LHFPL3: variants seen among roughly 807,000 people sequenced by gnomAD.
LHFPL3 encodes LHFPL tetraspan subfamily member 3.
In LHFPL3, 5 loss-of-function variants were observed where a neutral mutation model predicts 19.3. The ratio of observed to expected loss-of-function variants is 0.26; its 90% CI spans 0.14 to 0.54. The LOEUF (loss-of-function observed/expected upper bound fraction) is 0.54, where lower values mean the gene tolerates loss of function less well. Ranked by LOEUF, LHFPL3 falls within the 20% of genes least tolerant of loss-of-function variation. The pLI, the probability that LHFPL3 is intolerant of heterozygous loss-of-function variation, is 0.94. For missense variants in LHFPL3, 249 were observed against 307.4 expected (o/e 0.81, Z 1.42); for synonymous variants, 133 against 126.2 (o/e 1.05, Z -0.36).
At chr7:104,754,698 T>C (rs937619397) in intron 2 of LHFPL3, among the ~76,000 whole-genome samples, 14 of 152,284 alleles carry the variant, frequency 9.2e-5, no homozygotes, top group African/African-American at 3.4e-4. Context: ...TGCAGATCAA[T>C]AGTGGGAACA....
At chr7:104,823,614 A>C (rs1790720269) in intron 2 of LHFPL3, among the ~76,000 whole-genome samples, 1 of 152,206 alleles carries the variant, frequency 6.6e-6, no homozygotes, top group Admixed American at 6.5e-5. Flanking sequence ...CATAAAGATC[A>C]CTATAGATTT....
chr7:104,353,139 T>G (rs1280392848), intron 1 of LHFPL3, among the ~76,000 whole-genome samples: 1 of 152,184 alleles, frequency 6.6e-6, no homozygotes, highest in African/African-American at 2.4e-5. Flanking sequence ...AACCAGACAT[T>G]TTATTCATTT....
At chr7:104,460,128 G>C (rs1430986150) in intron 1 of LHFPL3, among the ~76,000 whole-genome samples, 1 of 152,106 alleles carries the variant, frequency 6.6e-6, no homozygotes, top group African/African-American at 2.4e-5. Flanking sequence ...TCATTAGTTT[G>C]CTAAGGATAA....
intron 2 of LHFPL3, among the ~76,000 whole-genome samples, chr7:104,742,874 G>C (rs1230621504): frequency 6.6e-6 from 1 of 151,974 alleles, no homozygotes; most frequent in Non-Finnish European, 1.5e-5. Context: ...AGTCAAAGGG[G>C]ATGGGAGGCC....
intron 1 of LHFPL3, among the ~76,000 whole-genome samples, chr7:104,664,654 A>G (rs1262833027): frequency 6.6e-6 from 1 of 152,206 alleles, no homozygotes; most frequent in Non-Finnish European, 1.5e-5. Context: ...TTGCATTCCA[A>G]TAAAACTTTA....
intron 2 of LHFPL3, among the ~76,000 whole-genome samples, chr7:104,877,838 ATT>A (rs36063537): frequency 2.8e-4 from 41 of 147,872 alleles, no homozygotes; most frequent in South Asian, 4.3e-4. Context: ...TTATAGCAGC[ATT>A]TTTTTTTTTT....
At chr7:104,366,378 C>G (rs1162860152) in intron 1 of LHFPL3, among the ~76,000 whole-genome samples, 1 of 152,156 alleles carries the variant, frequency 6.6e-6, no homozygotes, top group Non-Finnish European at 1.5e-5. Context: ...GTATCCCAGA[C>G]CTTAGCATGT....
At chr7:104,702,063 T>G (rs1793114141) in intron 1 of LHFPL3, among the ~76,000 whole-genome samples, 1 of 152,058 alleles carries the variant, frequency 6.6e-6, no homozygotes, top group Non-Finnish European at 1.5e-5. Context: ...TGTGTGATGT[T>G]CCCCTCCCTG....
At chr7:104,542,179 G>A (rs911931164) in intron 1 of LHFPL3, among the ~76,000 whole-genome samples, 6 of 152,050 alleles carry the variant, frequency 3.9e-5, no homozygotes, top group African/African-American at 1.2e-4. Context: ...AAAACGAGGC[G>A]TGGCTTGGGT....
At chr7:104,650,756 G>A (rs1161993621) in intron 1 of LHFPL3, among the ~76,000 whole-genome samples, 1 of 152,188 alleles carries the variant, frequency 6.6e-6, no homozygotes, top group Non-Finnish European at 1.5e-5. Flanking sequence ...GAAGAATGCT[G>A]TCCTAGGCAC....
At chr7:104,521,899 G>A (rs959065940) in intron 1 of LHFPL3, among the ~76,000 whole-genome samples, 94 of 152,224 alleles carry the variant, frequency 6.2e-4, no homozygotes, top group African/African-American at 2.0e-3. Flanking sequence ...AGGTGCTGGA[G>A]AGGATGTGGA....
At chr7:104,560,575 T>C (rs1464921818) in intron 1 of LHFPL3, among the ~76,000 whole-genome samples, 1 of 151,782 alleles carries the variant, frequency 6.6e-6, no homozygotes, top group Non-Finnish European at 1.5e-5. Flanking sequence ...CTCTCTTTTT[T>C]TCTTTATTAG....
At chr7:104,331,245 G>A (rs977227140) in intron 1 of LHFPL3, among the ~76,000 whole-genome samples, 2 of 152,310 alleles carry the variant, frequency 1.3e-5, no homozygotes, top group Non-Finnish European at 2.9e-5. Flanking sequence ...GAAATATAAT[G>A]TTGTTCTCAG....
At chr7:104,805,672 A>G (rs1790347101) in intron 2 of LHFPL3, among the ~76,000 whole-genome samples, 3 of 152,252 alleles carry the variant, frequency 2.0e-5, no homozygotes, top group Admixed American at 6.5e-5. Flanking sequence ...CCACCAAAGC[A>G]CAAAGCCTTT....
rs1213493176 is a variant in LHFPL3, at chr7:104,906,167, CTT to C, written c.683-19_683-18del. ...CTCTCCCCCCACCCTTTTTCTCTCT[CTT>C]CCCTCCAATTTCTGCAGTTCTGCTA... On this transcript the variant is annotated intron_variant, in intron 2 of 2. Coordinates refer to ENST00000424859, the MANE Select transcript of LHFPL3 (RefSeq NM_199000.3). 3 of 1,607,642 alleles carry C rather than the reference CTT, an allele frequency of 1.9e-6. No individual in the cohort carries two copies. The Admixed American group carries it at 5.0e-5, about 27-fold the overall frequency.
At chr7:104,402,093 A>C (rs1024741728) in intron 1 of LHFPL3, among the ~76,000 whole-genome samples, 1 of 151,826 alleles carries the variant, frequency 6.6e-6, no homozygotes, top group Non-Finnish European at 1.5e-5. Flanking sequence ...TAAACTAAAA[A>C]AAAAAAAACA....
At chr7:104,822,911 C>T (rs144142138) in intron 2 of LHFPL3, among the ~76,000 whole-genome samples, 68 of 152,220 alleles carry the variant, frequency 4.5e-4, no homozygotes, top group African/African-American at 1.5e-3. Flanking sequence ...CCAAGAAGTG[C>T]GAGTTTAGTG....
intron 1 of LHFPL3, among the ~76,000 whole-genome samples, chr7:104,493,414 G>A (rs1032303656): frequency 6.6e-6 from 1 of 151,628 alleles, no homozygotes; most frequent in Non-Finnish European, 1.5e-5. Flanking sequence ...TCTTCTCTCT[G>A]TGATGGCCTC....
At chr7:104,670,160 C>G (rs1336531776) in intron 1 of LHFPL3, among the ~76,000 whole-genome samples, 1 of 150,482 alleles carries the variant, frequency 6.6e-6, no homozygotes, top group African/African-American at 2.4e-5. Flanking sequence ...TTTTTTACCC[C>G]CAAGGGGGTT....
Sources: gnomAD v4.1 joint callset for allele counts (sites outside exome capture counted in the v4.1 genomes callset) on GRCh38, gnomAD v4.1.1 for gene constraint, MANE v1.5 for transcripts, NCBI Gene and HGNC (gene_info 2026-07-23, HGNC 2026-07-21) for gene names.